Variants in ARHGAP44 observed in about 807,000 individuals in gnomAD.
The protein encoded by ARHGAP44 is Rho GTPase activating protein 44.
Under a neutral mutation model 106.8 loss-of-function variants are expected in ARHGAP44, and 43 were observed. That is an observed-to-expected ratio of 0.40 (90% CI 0.32 to 0.52). The LOEUF (loss-of-function observed/expected upper bound fraction) is 0.52. Ranked by LOEUF, ARHGAP44 falls within the 20% of genes least tolerant of loss-of-function variation. The pLI, the probability that ARHGAP44 is intolerant of heterozygous loss-of-function variation, is 0.48. For synonymous variants in ARHGAP44, 439 were observed against 410.3 expected (o/e 1.07, Z -0.85); for missense variants, 866 against 1,050.5 (o/e 0.82, Z 2.43).
At chr17:12,925,828 G>C (rs1423038135) in intron 6 of ARHGAP44, among the ~76,000 whole-genome samples, 2 of 152,186 alleles carry the variant, frequency 1.3e-5, no homozygotes, top group Non-Finnish European at 2.9e-5. Context: ...TTTATGTGTA[G>C]AACAGAGGTC....
At chr17:12,854,906 C>T (rs1339913641) in intron 1 of ARHGAP44, among the ~76,000 whole-genome samples, 1 of 142,932 alleles carries the variant, frequency 7.0e-6, no homozygotes, top group Non-Finnish European at 1.5e-5. Flanking sequence ...TGCGGTGAGC[C>T]GAGATCATGC....
chr17:12,930,124 A>G (rs2038356051), intron 7 of ARHGAP44, among the ~76,000 whole-genome samples: 1 of 151,868 alleles, frequency 6.6e-6, no homozygotes, highest in Non-Finnish European at 1.5e-5. Context: ...TGTCATTTGA[A>G]CTCCTGCATA....
At chr17:12,941,185 A>C in intron 8 of ARHGAP44, 61 bp downstream of exon 8, 1 of 1,502,924 alleles carries the variant, frequency 6.7e-7, no homozygotes, top group Non-Finnish European at 9.3e-7. Flanking sequence ...GAATGTGGGC[A>C]TGGAATTAAG....
chr17:12,807,979 C>G (rs1459319085), intron 1 of ARHGAP44, among the ~76,000 whole-genome samples: 5 of 152,168 alleles, frequency 3.3e-5, no homozygotes, highest in Admixed American at 3.3e-4. Flanking sequence ...ACACCCATTC[C>G]AAATGGGAGA....
chr17:12,852,201 G>A (rs1346806323), intron 1 of ARHGAP44, among the ~76,000 whole-genome samples: 1 of 137,194 alleles, frequency 7.3e-6, no homozygotes, highest in Non-Finnish European at 1.6e-5. Context: ...CAAAACGATA[G>A]GGAGGGTGGT....
intron 1 of ARHGAP44, among the ~76,000 whole-genome samples, chr17:12,858,663 T>C (rs1403470561): frequency 6.6e-6 from 1 of 152,194 alleles, no homozygotes; most frequent in East Asian, 1.9e-4. Flanking sequence ...CCCCAGTATC[T>C]GTGGATGTGA....
chr17:12,829,854 T>C (rs2035034980), intron 1 of ARHGAP44, among the ~76,000 whole-genome samples: 1 of 152,218 alleles, frequency 6.6e-6, no homozygotes, highest in Non-Finnish European at 1.5e-5. Flanking sequence ...TTATTTTAAT[T>C]ATATTTTGTT....
chr17:12,797,241 T>C (rs1213770515), intron 1 of ARHGAP44, among the ~76,000 whole-genome samples: 2 of 152,160 alleles, frequency 1.3e-5, no homozygotes, highest in African/African-American at 4.8e-5. Flanking sequence ...ATGCATGCAT[T>C]TTTATTACTA....
At chr17:12,803,814 G>GA (rs1267771131) in intron 1 of ARHGAP44, among the ~76,000 whole-genome samples, 1 of 151,810 alleles carries the variant, frequency 6.6e-6, no homozygotes, top group African/African-American at 2.4e-5. Context: ...GTTCTGTGGG[G>GA]AAAAAAATCC....
chr17:12,908,263 C>T lies in ARHGAP44; in HGVS notation c.199-634C>T, dbSNP rs146339356. Among the ~76,000 whole-genome samples, 377 of 135,440 alleles carry T rather than the reference C, an allele frequency of 2.8e-3. 10 individuals are homozygous for T. The East Asian group carries it at 0.051, about 18-fold the overall frequency. The allele number at this position is 135,440 out of a possible 152,430, so 88.9% of individuals were successfully genotyped here. On this transcript the variant is annotated intron_variant, in intron 3 of 20. Coordinates refer to ENST00000379672, the MANE Select transcript of ARHGAP44 (RefSeq NM_014859.6). ...CCAGGCTGGAGTGCAGTGGCACAAT[C>T]TCGGCTCACTGCAACCTCTGCCTCC...
At chr17:12,987,864 C>A (rs1301072996) in intron 20 of ARHGAP44, 1 of 152,158 alleles carries the variant, frequency 6.6e-6, no homozygotes, top group Non-Finnish European at 1.5e-5. Flanking sequence ...TTGGTCTCCT[C>A]CTCCTATAAA....
intron 16 of ARHGAP44, among the ~76,000 whole-genome samples, chr17:12,967,355 A>G (rs1455999874): frequency 6.7e-6 from 1 of 149,414 alleles, no homozygotes; most frequent in Non-Finnish European, 1.5e-5. Context: ...CAGCCTCCCA[A>G]ATAGCATGGC....
intron 6 of ARHGAP44, among the ~76,000 whole-genome samples, chr17:12,927,186 A>G (rs1466023890): frequency 1.3e-5 from 2 of 152,208 alleles, no homozygotes; most frequent in Non-Finnish European, 2.9e-5. Flanking sequence ...TTCAGAGAAC[A>G]TGTGTTCATC....
intron 8 of ARHGAP44, among the ~76,000 whole-genome samples, chr17:12,942,467 A>C (rs2038736575): frequency 6.6e-6 from 1 of 152,164 alleles, no homozygotes; most frequent in Admixed American, 6.6e-5. Flanking sequence ...TTAAAGTGGT[A>C]GAATTTTTTC....
intron 4 of ARHGAP44, among the ~76,000 whole-genome samples, chr17:12,913,679 CG>C (rs2037806932): frequency 9.0e-6 from 1 of 111,484 alleles, no homozygotes; most frequent in Non-Finnish European, 1.6e-5. Flanking sequence ...TTTGGGAGGC[CG>C]AGGCAGGTGG....
At chr17:12,989,065 C>G (rs1305619956) in intron 20 of ARHGAP44, 2 of 133,348 alleles carry the variant, frequency 1.5e-5, no homozygotes, top group Non-Finnish European at 3.1e-5. Context: ...CCATTGCACT[C>G]CAGTCTGTGT....
At chr17:12,818,479 G>T (rs1361380012) in intron 1 of ARHGAP44, among the ~76,000 whole-genome samples, 1 of 151,800 alleles carries the variant, frequency 6.6e-6, no homozygotes, top group Non-Finnish European at 1.5e-5. Flanking sequence ...ATCCTAATCA[G>T]TGCAATAAGG....
chr17:12,863,910 C>G lies in ARHGAP44; in HGVS notation c.54-31030C>G, dbSNP rs1198654696. Among the ~76,000 whole-genome samples, 7 of 152,178 alleles carry G rather than the reference C, an allele frequency of 4.6e-5. No individual in the cohort carries two copies. The East Asian group carries it at 1.3e-3, about 29-fold the overall frequency. ...GGTGTCATTTGGAGTTGTGTTCGCT[C>G]ACCTGTCTGTCCATCTGTGCTGGCC... is the stretch of plus-strand genomic sequence containing the variant. On this transcript the variant is annotated intron_variant, in intron 1 of 20. Coordinates refer to ENST00000379672, the MANE Select transcript of ARHGAP44 (RefSeq NM_014859.6).
chr17:12,927,188 GT>G (rs1188639215), intron 6 of ARHGAP44, among the ~76,000 whole-genome samples: 1 of 152,092 alleles, frequency 6.6e-6, no homozygotes, highest in Admixed American at 6.5e-5. Context: ...CAGAGAACAT[GT>G]GTTCATCTCT....
Sources: allele counts gnomAD v4.1 joint callset (sites outside exome capture counted in the v4.1 genomes callset), GRCh38; gene constraint gnomAD v4.1.1; transcripts MANE v1.5; gene names NCBI Gene and HGNC (gene_info 2026-07-23, HGNC 2026-07-21).